RHBDD3: variants seen among roughly 807,000 people sequenced by gnomAD.
RHBDD3 encodes the protein rhomboid domain containing 3.
In RHBDD3, 34 loss-of-function variants were observed where a neutral mutation model predicts 32.3. The ratio of observed to expected loss-of-function variants is 1.05; its 90% CI spans 0.80 to 1.40. The LOEUF is 1.40. Ranked by LOEUF, RHBDD3 falls within the 40% of genes most tolerant of loss-of-function variation. The pLI, the probability that RHBDD3 is intolerant of heterozygous loss-of-function variation, is 0.00. For missense variants in RHBDD3, 482 were observed against 492.6 expected (o/e 0.98, Z 0.20); for synonymous variants, 249 against 239.1 (o/e 1.04, Z -0.38).
Position 29,267,752 on chromosome 22 carries a change from G to A in RHBDD3, c.-199C>T, listed in dbSNP as rs2058254001. ...CCACGCGTCCCGGGTACTCACTGCA[G>A]AGCGCGCCCGGCAACCCCGAAAGGC... On this transcript the variant is annotated 5_prime_UTR_variant, in exon 1 of 7. Coordinates refer to ENST00000216085, the MANE Select transcript of RHBDD3 (RefSeq NM_012265.3). 5.8e-6 allele frequency: 1 copy of A among 173,420 alleles called. No homozygotes were observed. The highest frequency in any genetic ancestry group is 1.3e-5 in the Non-Finnish European group (1 of 79,730). The allele number at this position is 173,420 out of a possible 1,614,324, so 10.7% of individuals were successfully genotyped here.
At position 29,260,697 on chromosome 22, in the gene RHBDD3, C is replaced by T. The variant is rs992966583; in HGVS notation, c.695+5G>A. 6.4e-7 allele frequency: 1 copy of T among 1,570,994 alleles called. No homozygotes were observed. Among genetic ancestry groups the T allele is most frequent in the Non-Finnish European group, 8.6e-7 (1 of 1,159,192 alleles). On this transcript the variant is annotated splice_donor_5th_base_variant and intron_variant, in intron 5 of 6. Transcript: ENST00000216085. ...CTGGACTGGCATCCCCCCCATCACC[C>T]TCACCTCACTCCGGCAGGATGGGTG...
chr22:29,264,654 CAAATA>C, intron 3 of RHBDD3: 3 of 338,208 alleles, frequency 8.9e-6, no homozygotes, highest in Non-Finnish European at 1.3e-5. Context: ...TGGGGGTCCT[CAAATA>C]CAAATTGGAG....
In RHBDD3 at chr22:29,264,022, T is replaced by C. The variant is rs1408858636; in HGVS notation, c.345A>G (p.Ala115=). ...VLLAGLGLSS[A]AGSCGYMPVH... The stretch of plus-strand genomic sequence containing the variant: ...CAGGCATGTATCCACAGCTGCCGGC[T>C]GCACTGGACAGCCCAAGGCCTGCCA... Residue 115 remains alanine (A), a synonymous_variant, in exon 4 of 7, where the codon GCA becomes GCG. Transcript: ENST00000216085. 1 of 1,557,586 alleles carries C rather than the reference T, an allele frequency of 6.4e-7. No individual in the cohort carries two copies. The highest frequency in any genetic ancestry group is 1.9e-5 in the Admixed American group (1 of 51,508).
chr22:29,262,699 T>A lies in RHBDD3; in HGVS notation c.532+1136A>T, dbSNP rs148749658. Among the ~76,000 whole-genome samples, 878 of 152,266 alleles carry A rather than the reference T, an allele frequency of 5.8e-3. 4 individuals carry two copies. Among genetic ancestry groups the A allele is most frequent in the Non-Finnish European group, 8.4e-3 (571 of 68,010 alleles). ...GTGAACATGAGATCTTTCCATTCACTTAGGCTTTTAATTTTCTTTTTTTTT... is the reference window on the plus strand; with the variant it reads ...GTGAACATGAGATCTTTCCATTCACATAGGCTTTTAATTTTCTTTTTTTTT... On this transcript the variant is annotated intron_variant, in intron 4 of 6. Transcript: ENST00000216085.
chr22:29,264,174 C>G lies in RHBDD3; in HGVS notation c.193G>C (p.Gly65Arg). 3 of 1,576,554 alleles carry G rather than the reference C, an allele frequency of 1.9e-6. No individual in the cohort carries two copies. Among genetic ancestry groups the G allele is most frequent in the Non-Finnish European group, 2.6e-6 (3 of 1,162,322 alleles). Residue 65 changes from glycine to arginine, a missense_variant, in exon 4 of 7, where the codon GGC becomes CGC. Coordinates refer to ENST00000216085, the MANE Select transcript of RHBDD3 (RefSeq NM_012265.3). ...AGGAGCAGCAGGCTCAGGAGCAGGCCTGGCAGGGCCGTGTGGCCCAGGGCA... is the reference window on the plus strand; with the variant it reads ...AGGAGCAGCAGGCTCAGGAGCAGGCGTGGCAGGGCCGTGTGGCCCAGGGCA... ...THALGHTALP[G>R]LLLSLLLLPT...
At chr22:29,261,818 CTAAT>C (rs1451670389) in intron 4 of RHBDD3, 1 of 162,276 alleles carries the variant, frequency 6.2e-6, no homozygotes, top group Non-Finnish European at 1.4e-5. Flanking sequence ...TCACACCTGG[CTAAT>C]TATTTTGTAT....
At position 29,263,987 on chromosome 22, in the gene RHBDD3, G is replaced by C; in HGVS notation, c.380C>G (p.Ala127Gly). 6.4e-7 allele frequency: 1 copy of C among 1,551,926 alleles called. No homozygotes were observed. Among genetic ancestry groups the C allele is most frequent in the Non-Finnish European group, 8.7e-7 (1 of 1,147,706 alleles). ...GCGGTGTCCCTCCCCAGCCAGCATGGCCAGGTGGACAGGCATGTATCCACA... is the reference window on the plus strand; with the variant it reads ...GCGGTGTCCCTCCCCAGCCAGCATGCCCAGGTGGACAGGCATGTATCCACA... ...GSCGYMPVHL[A>G]MLAGEGHRPR... The change falls in exon 4 of 7, where the codon GCC becomes GGC. Residue 127 changes from alanine (A) to glycine (G), a missense_variant. By Grantham distance (60) the Ala-to-Gly change is moderately conservative. Transcript: ENST00000216085.
At chr22:29,260,957 T>C in intron 4 of RHBDD3, 93 bp from the exon 5 acceptor site, 1 of 1,265,570 alleles carries the variant, frequency 7.9e-7, no homozygotes, top group Non-Finnish European at 1.1e-6. Flanking sequence ...CCAAGTGTGC[T>C]GGCCACCATT....
In RHBDD3 at chr22:29,260,710, G is replaced by A. The variant is rs577388384; in HGVS notation, c.687C>T (p.Ala229=). Reference sequence around the variant, plus strand: ...CCCCCCATCACCCTCACCTCACTCCGGCAGGATGGGTGACAGGCAGCTCCG... The same window carrying A: ...CCCCCCATCACCCTCACCTCACTCCAGCAGGATGGGTGACAGGCAGCTCCG... ...SLAELPVTHP[A]GVRPPIPGPP... is the part of the protein sequence containing the mutation. The change falls in exon 5 of 7, where the codon GCC becomes GCT. Residue 229 remains alanine, a synonymous_variant. Coordinates refer to ENST00000216085, the MANE Select transcript of RHBDD3 (RefSeq NM_012265.3). 122 of 1,581,138 alleles carry A rather than the reference G, an allele frequency of 7.7e-5. No homozygotes were observed. Among genetic ancestry groups the A allele is most frequent in the African/African-American group, 2.4e-4 (18 of 74,480 alleles).
rs759316115 is a variant in RHBDD3, at chr22:29,264,075, G to A, written c.292C>T (p.Leu98=). ...RFLHASALLA[L]ASGLLAVLLA... is the part of the protein sequence containing the mutation. The stretch of plus-strand genomic sequence containing the variant: ...AGCACTGCCAGCAGCCCAGAAGCCA[G>A]GGCGAGCAGGGCTGAGGCATGCAGG... Residue 98 remains leucine (L), a synonymous_variant, in exon 4 of 7, where the codon CTG becomes TTG. Coordinates refer to ENST00000216085, the MANE Select transcript of RHBDD3 (RefSeq NM_012265.3). 3.2e-6 allele frequency: 5 copies of A among 1,582,064 alleles called. No homozygotes were observed. In the South Asian group the frequency reaches 4.6e-5, roughly 15 times the overall value.
chr22:29,263,600 T>G (rs1442007007), intron 4 of RHBDD3, among the ~76,000 whole-genome samples: 1 of 152,234 alleles, frequency 6.6e-6, no homozygotes, highest in Non-Finnish European at 1.5e-5. Flanking sequence ...GGCATTGATA[T>G]TACAGGGAGC....
At chr22:29,263,592 C>CA (rs1244178152) in intron 4 of RHBDD3, among the ~76,000 whole-genome samples, 1 of 152,200 alleles carries the variant, frequency 6.6e-6, no homozygotes, top group Non-Finnish European at 1.5e-5. Flanking sequence ...CGAAGAATGG[C>CA]ATTGATATTA....
intron 3 of RHBDD3, 40 bp downstream of exon 3, chr22:29,265,439 G>A: frequency 6.8e-7 from 1 of 1,469,778 alleles, no homozygotes; most frequent in Non-Finnish European, 9.0e-7. Flanking sequence ...CCTACAGCAA[G>A]TCTCCTGCTT....
At chr22:29,260,651 C>T in intron 5 of RHBDD3, 38 bp from the exon 6 acceptor site, 1 of 1,556,816 alleles carries the variant, frequency 6.4e-7, no homozygotes, top group Non-Finnish European at 8.7e-7. Context: ...TGACTGGCAG[C>T]CCTGCCACAG....
In RHBDD3 at chr22:29,261,508, C is replaced by T. The variant is rs1232828601; in HGVS notation, c.533-644G>A. 3.6e-5 allele frequency: 13 copies of T among 363,232 alleles called. No individual in the cohort carries two copies. In the East Asian group the frequency reaches 7.7e-4, roughly 21 times the overall value. The allele number at this position is 363,232 out of a possible 1,614,324, so 22.5% of individuals were successfully genotyped here. ...ACTCAAGTGGCTGAGGCAAGAGGAT[C>T]GCTTGAGCCCAGGAGTTTGAGGCTG... On this transcript the variant is annotated intron_variant, in intron 4 of 6. Transcript: ENST00000216085.
intron 4 of RHBDD3, among the ~76,000 whole-genome samples, chr22:29,263,246 T>C (rs558296647): frequency 2.6e-5 from 4 of 152,374 alleles, no homozygotes; most frequent in Admixed American, 1.3e-4. Context: ...GGTTTTACCA[T>C]GTTGGCCAGG....
Position 29,263,817 on chromosome 22 carries a change from G to A in RHBDD3, c.532+18C>T, listed in dbSNP as rs1164211035. On this transcript the variant is annotated intron_variant, in intron 4 of 6. Transcript: ENST00000216085. The stretch of plus-strand genomic sequence containing the variant: ...AACCCACACATCCCCACGGGCCCTG[G>A]GCTCAGGCAAAGGATACAGGCCAGG... 3 of 1,503,178 alleles carry A rather than the reference G, an allele frequency of 2.0e-6. No homozygotes were observed. Among genetic ancestry groups the A allele is most frequent in the Non-Finnish European group, 1.8e-6 (2 of 1,119,356 alleles). 93.1% of individuals were successfully genotyped at this position (1,503,178 alleles called of 1,614,324 possible).
chr22:29,262,035 T>C (rs887834655), intron 4 of RHBDD3: 6 of 152,282 alleles, frequency 3.9e-5, no homozygotes, highest in Admixed American at 6.5e-5. Flanking sequence ...GACTATACAG[T>C]AAATCTAACA....
rs749364063 is a variant in RHBDD3, at chr22:29,260,698, T to C, written c.695+4A>G. On this transcript the variant is annotated splice_donor_region_variant and intron_variant, in intron 5 of 6. Coordinates refer to ENST00000216085, the MANE Select transcript of RHBDD3 (RefSeq NM_012265.3). ...TGGACTGGCATCCCCCCCATCACCC[T>C]CACCTCACTCCGGCAGGATGGGTGA... 1.3e-6 allele frequency: 2 copies of C among 1,571,594 alleles called. No individual in the cohort carries two copies. The highest frequency in any genetic ancestry group is 1.7e-6 in the Non-Finnish European group (2 of 1,159,406).
Sources: allele counts gnomAD v4.1 joint callset (sites outside exome capture counted in the v4.1 genomes callset), GRCh38; gene constraint gnomAD v4.1.1; transcripts MANE v1.5; gene names NCBI Gene and HGNC (gene_info 2026-07-23, HGNC 2026-07-21).